The following SBF2 variants were observed in gnomAD, a reference collection of about 807,000 sequenced individuals.
SBF2 encodes the protein SET binding factor 2, also known as myotubularin-related protein 13.
SBF2 carries 112 observed loss-of-function variants against 225.2 expected under a neutral mutation model. That is an observed-to-expected ratio of 0.50 (90% CI 0.43 to 0.58). The LOEUF (loss-of-function observed/expected upper bound fraction) is 0.58, where lower values mean the gene tolerates loss of function less well. Ranked by LOEUF, SBF2 falls within the 20% of genes least tolerant of loss-of-function variation. SBF2 has a pLI of 0.00. For synonymous variants in SBF2, 763 were observed against 773.3 expected (o/e 0.99, Z 0.22); for missense variants, 1,996 against 2,206.2 (o/e 0.90, Z 1.91).
intron 2 of SBF2, among the ~76,000 whole-genome samples, chr11:10,102,642 A>G (rs1049302075): frequency 5.3e-5 from 8 of 152,162 alleles, no homozygotes; most frequent in Admixed American, 4.6e-4. Flanking sequence ...TGAAGGGTTG[A>G]TCCTGTAAAA....
chr11:10,196,786 AATT>A lies in SBF2; in HGVS notation c.56-2802_56-2800del, dbSNP rs1446402007. ...CACCCATAATCCCACACCTGGAGAC[AATT>A]ATTATTAACATTTTGGACTATCCAT... On this transcript the variant is annotated intron_variant, in intron 1 of 39. Transcript: ENST00000256190. 3.4e-5 allele frequency among the ~76,000 whole-genome samples: 5 copies of A among 148,246 alleles called. No homozygotes were observed. In the East Asian group the frequency reaches 9.8e-4, roughly 29 times the overall value.
At chr11:10,026,758 A>C (rs907650850) in intron 6 of SBF2, among the ~76,000 whole-genome samples, 2 of 152,054 alleles carry the variant, frequency 1.3e-5, no homozygotes, top group African/African-American at 2.4e-5. Context: ...TTTTTTGTTA[A>C]TTTCCAAAAG....
chr11:10,132,727 G>GCGGGTTGCCAATGCTGGCT lies in SBF2; in HGVS notation c.141+61156_141+61174dup, dbSNP rs1486974858. 8.7e-5 allele frequency among the ~76,000 whole-genome samples: 13 copies of GCGGGTTGCCAATGCTGGCT among 148,902 alleles called. 1 individual carries two copies. The East Asian group carries it at 2.7e-3, about 30-fold the overall frequency. ...TTCCACAGTGTGGAAGGGGACCCGA[G>GCGGGTTGCCAATGCTGGCT]CGGGTTGCCAATGCTGGCTCGGGCA... is the stretch of plus-strand genomic sequence containing the variant. On this transcript the variant is annotated intron_variant, in intron 2 of 39. Coordinates refer to ENST00000256190, the MANE Select transcript of SBF2 (RefSeq NM_030962.4).
At chr11:9,920,873 C>G (rs960424845) in intron 16 of SBF2, among the ~76,000 whole-genome samples, 1 of 152,038 alleles carries the variant, frequency 6.6e-6, no homozygotes, top group African/African-American at 2.4e-5. Flanking sequence ...CCCTGGTGTT[C>G]TGTCAGGGTT....
chr11:10,214,981 C>T (rs975365227), intron 1 of SBF2, among the ~76,000 whole-genome samples: 1 of 152,156 alleles, frequency 6.6e-6, no homozygotes, highest in African/African-American at 2.4e-5. Flanking sequence ...TCCTAGCCCA[C>T]AGAACCACTC....
Position 10,091,254 on chromosome 11 carries a change from CAAGA to C in SBF2, c.142-48277_142-48274del, listed in dbSNP as rs1951771637. ...ACAACAGATTTTAAAGGAGCTAAGA[CAAGA>C]AAGAAACCTCCAGAACAGACATGAT... On this transcript the variant is annotated intron_variant, in intron 2 of 39. Transcript: ENST00000256190. 3.3e-5 allele frequency among the ~76,000 whole-genome samples: 5 copies of C among 152,218 alleles called. No individual in the cohort carries two copies. The South Asian group carries it at 1.0e-3, about 32-fold the overall frequency.
chr11:10,057,604 C>T (rs186567815), intron 2 of SBF2, among the ~76,000 whole-genome samples: 122 of 152,252 alleles, frequency 8.0e-4, no homozygotes, highest in Non-Finnish European at 1.4e-3. Context: ...AGCAAATGAC[C>T]CTTGGCCACA....
Position 10,027,938 on chromosome 11 carries a change from G to A in SBF2, c.619+514C>T, listed in dbSNP as rs192772711. On this transcript the variant is annotated intron_variant, in intron 6 of 39. Coordinates refer to ENST00000256190, the MANE Select transcript of SBF2 (RefSeq NM_030962.4). ...TCATCTTTTAGCATAAAGAAAATAT[G>A]TCCACTTTCCTTCTATGTTAGAGTA... 7.2e-5 allele frequency among the ~76,000 whole-genome samples: 11 copies of A among 152,224 alleles called. No homozygotes were observed. The East Asian group carries it at 7.7e-4, about 11-fold the overall frequency.
chr11:10,038,754 T>G (rs969892728), intron 3 of SBF2, among the ~76,000 whole-genome samples: 3 of 151,896 alleles, frequency 2.0e-5, no homozygotes, highest in Admixed American at 2.0e-4. Context: ...GATGACAATT[T>G]GATGACACAC....
chr11:10,227,099 GT>G, intron 1 of SBF2, among the ~76,000 whole-genome samples: 1 of 152,216 alleles, frequency 6.6e-6, no homozygotes, highest in South Asian at 2.1e-4. Context: ...TTTTTCATGT[GT>G]TTTTTGGCTG....
intron 16 of SBF2, among the ~76,000 whole-genome samples, chr11:9,912,642 C>T (rs569660330): frequency 6.8e-4 from 103 of 152,266 alleles, no homozygotes; most frequent in Middle Eastern, 3.4e-3. Flanking sequence ...TTATCTGTGG[C>T]CCACCACAAT....
chr11:10,284,186 G>C (rs1035802798), intron 1 of SBF2, among the ~76,000 whole-genome samples: 1 of 152,062 alleles, frequency 6.6e-6, no homozygotes, highest in Non-Finnish European at 1.5e-5. Flanking sequence ...GTGACGTCTT[G>C]CAAAATTAAA....
intron 2 of SBF2, among the ~76,000 whole-genome samples, chr11:10,098,714 C>T (rs983787319): frequency 6.8e-6 from 1 of 147,444 alleles, no homozygotes; most frequent in South Asian, 2.1e-4. Flanking sequence ...CACACACACA[C>T]ACACACGAAA....
intron 16 of SBF2, chr11:9,958,807 C>A (rs555864774): frequency 7.4e-6 from 4 of 539,458 alleles, no homozygotes; most frequent in Admixed American, 2.4e-5. Flanking sequence ...CTTCTGTCAC[C>A]GAAAATGGGT....
At chr11:10,172,621 G>A (rs936611754) in intron 2 of SBF2, among the ~76,000 whole-genome samples, 1 of 152,196 alleles carries the variant, frequency 6.6e-6, no homozygotes, top group Non-Finnish European at 1.5e-5. Context: ...CCGAAGTGCT[G>A]GGATTACAGG....
intron 16 of SBF2, among the ~76,000 whole-genome samples, chr11:9,899,325 T>A (rs1486189509): frequency 7.5e-6 from 1 of 132,470 alleles, no homozygotes; most frequent in Non-Finnish European, 1.6e-5. Flanking sequence ...GTGACTCTGC[T>A]TCTACAAAAA....
chr11:9,849,151 A>G (rs1331108818), intron 22 of SBF2, among the ~76,000 whole-genome samples: 2 of 152,238 alleles, frequency 1.3e-5, no homozygotes, highest in East Asian at 3.9e-4. Flanking sequence ...TTCTAATACA[A>G]TTGTTTGAGG....
intron 16 of SBF2, among the ~76,000 whole-genome samples, chr11:9,900,269 A>G (rs1227616552): frequency 1.3e-5 from 2 of 152,192 alleles, no homozygotes; most frequent in Non-Finnish European, 2.9e-5. Flanking sequence ...TCAATATGTC[A>G]GTATGTTCAA....
chr11:9,780,139 C>T lies in SBF2; in HGVS notation c.*279G>A, dbSNP rs1851917116. ...AGCCATTTTGCCTGGGTGAGGTTCACAGTTGGCTCAGGAGACATCTTCTGA... is the reference window on the plus strand; with the variant it reads ...AGCCATTTTGCCTGGGTGAGGTTCATAGTTGGCTCAGGAGACATCTTCTGA... On this transcript the variant is annotated 3_prime_UTR_variant, in exon 40 of 40. Coordinates refer to ENST00000256190, the MANE Select transcript of SBF2 (RefSeq NM_030962.4). 2.3e-6 allele frequency: 1 copy of T among 436,352 alleles called. No individual in the cohort carries two copies. Among genetic ancestry groups the T allele is most frequent in the Non-Finnish European group, 4.3e-6 (1 of 234,134 alleles). The allele number at this position is 436,352 out of a possible 1,614,324, so 27.0% of individuals were successfully genotyped here.
Sources: allele counts gnomAD v4.1 joint callset (sites outside exome capture counted in the v4.1 genomes callset), GRCh38; gene constraint gnomAD v4.1.1; transcripts MANE v1.5; gene names NCBI Gene and HGNC (gene_info 2026-07-23, HGNC 2026-07-21).